SH3BP5: variants seen among roughly 807,000 people sequenced by gnomAD.
SH3BP5 encodes the protein SH3 domain binding protein 5, also known as SH3 domain-binding protein 5.
Under a neutral mutation model 43.3 loss-of-function variants are expected in SH3BP5, and 22 were observed. The ratio of observed to expected loss-of-function variants is 0.51; its 90% CI spans 0.36 to 0.73. SH3BP5 has a LOEUF of 0.73. Ranked by LOEUF, SH3BP5 falls within the 30% of genes least tolerant of loss-of-function variation. The pLI, the probability that SH3BP5 is intolerant of heterozygous loss-of-function variation, is 0.00. For synonymous variants in SH3BP5, 255 were observed against 225.8 expected, an observed-to-expected ratio of 1.13 and a Z score of -1.16; for missense variants, 529 against 586.9, an observed-to-expected ratio of 0.90 and a Z score of 1.02.
intron 3 of SH3BP5, among the ~76,000 whole-genome samples, chr3:15,302,890 C>T (rs1697792303): frequency 6.6e-6 from 1 of 151,746 alleles, no homozygotes; most frequent in Non-Finnish European, 1.5e-5. Context: ...CTCACTGCAA[C>T]CTCCACCTCC....
intron 3 of SH3BP5, 109 bp downstream of exon 3, chr3:15,303,994 T>G: frequency 1.2e-6 from 1 of 856,430 alleles, no homozygotes; most frequent in African/African-American, 1.7e-5. Context: ...ATTTAAGACA[T>G]ATTGGACTCG....
intron 3 of SH3BP5, among the ~76,000 whole-genome samples, chr3:15,270,107 G>T (rs1456352561): frequency 1.3e-5 from 2 of 152,158 alleles, no homozygotes; most frequent in African/African-American, 2.4e-5. Context: ...GGGCCCAATG[G>T]ATGAGATAAA....
intron 3 of SH3BP5, among the ~76,000 whole-genome samples, chr3:15,282,620 C>G (rs1697161049): frequency 6.6e-6 from 1 of 151,226 alleles, no homozygotes; most frequent in East Asian, 1.9e-4. Flanking sequence ...TTAAACCAAT[C>G]ACAATAAAAC....
intron 2 of SH3BP5, among the ~76,000 whole-genome samples, chr3:15,322,202 C>CAA (rs201133062): frequency 4.2e-5 from 6 of 143,726 alleles, no homozygotes; most frequent in African/African-American, 1.3e-4. Context: ...GACTCCATCT[C>CAA]AAAAAAAAAA....
intron 2 of SH3BP5, among the ~76,000 whole-genome samples, chr3:15,313,405 T>G (rs904650330): frequency 6.6e-6 from 1 of 152,044 alleles, no homozygotes; most frequent in African/African-American, 2.4e-5. Flanking sequence ...GATAGGAAAG[T>G]CTCCATTAGC....
intron 3 of SH3BP5, among the ~76,000 whole-genome samples, chr3:15,299,584 T>G (rs755629690): frequency 1.3e-5 from 2 of 149,092 alleles, no homozygotes; most frequent in Non-Finnish European, 3.0e-5. Context: ...GCCTTGAACT[T>G]CTGTGCTCAA....
At chr3:15,289,308 G>A (rs1403343498) in intron 3 of SH3BP5, among the ~76,000 whole-genome samples, 8 of 152,214 alleles carry the variant, frequency 5.3e-5, no homozygotes. Flanking sequence ...AATGGAAAAT[G>A]TGTTGTCTGG....
chr3:15,316,426 T>C (rs1698186970), intron 2 of SH3BP5, among the ~76,000 whole-genome samples: 1 of 152,016 alleles, frequency 6.6e-6, no homozygotes, highest in African/African-American at 2.4e-5. Flanking sequence ...GGTTTCACCA[T>C]GTTGGTCAGG....
intron 3 of SH3BP5, among the ~76,000 whole-genome samples, chr3:15,286,396 C>G (rs971465302): frequency 6.6e-6 from 1 of 152,214 alleles, no homozygotes; most frequent in Non-Finnish European, 1.5e-5. Context: ...CAGGGGCCTT[C>G]TCCCAGCTCT....
chr3:15,268,790 T>C (rs1165909583), intron 4 of SH3BP5, among the ~76,000 whole-genome samples: 2 of 152,182 alleles, frequency 1.3e-5, no homozygotes, highest in African/African-American at 4.8e-5. Context: ...TATCTGGAGA[T>C]AGGGCCTTTG....
At chr3:15,276,351 G>A (rs1241975022) in intron 3 of SH3BP5, among the ~76,000 whole-genome samples, 1 of 152,192 alleles carries the variant, frequency 6.6e-6, no homozygotes, top group African/African-American at 2.4e-5. Flanking sequence ...GCCCAGAATA[G>A]GTGATGTCAC....
chr3:15,264,337 G>C (rs1057164063), intron 4 of SH3BP5: 9 of 150,724 alleles, frequency 6.0e-5, no homozygotes, highest in Non-Finnish European at 1.3e-4. Context: ...GTGGATTACT[G>C]ACTGCCCTTG....
intron 3 of SH3BP5, among the ~76,000 whole-genome samples, chr3:15,296,694 C>CTTTTTTTTTTTTTTT (rs370273754): frequency 8.0e-6 from 1 of 124,968 alleles, no homozygotes; most frequent in African/African-American, 3.5e-5. Context: ...AGTGTTTTTC[C>CTTTTTTTTTTTTTTT]TTTTTTTTTT....
rs56319701 is a variant in SH3BP5, at chr3:15,320,641, C to CA, written c.201+9862_201+9863insT. On this transcript the variant is annotated intron_variant, in intron 2 of 8. Coordinates refer to ENST00000383791, the MANE Select transcript of SH3BP5 (RefSeq NM_004844.5). ...ACACACACACACACACACACACACACCCCACTACGTTAAAGTCCCTACAAC... is the reference window on the plus strand; with the variant it reads ...ACACACACACACACACACACACACACACCCACTACGTTAAAGTCCCTACAAC... 1.3e-3 allele frequency among the ~76,000 whole-genome samples: 172 copies of CA among 128,692 alleles called. 1 individual carries two copies. The highest frequency in any genetic ancestry group is 7.9e-3 in the Middle Eastern group (2 of 254). The allele number at this position is 128,692 out of a possible 152,430, so 84.4% of individuals were successfully genotyped here. A position where few individuals can be genotyped will look rare whatever the true frequency, so the allele number is the denominator to read the frequency against.
At position 15,304,169 on chromosome 3, in the gene SH3BP5, C is replaced by T. The variant is rs916730430; in HGVS notation, c.264G>A (p.Val88=). 3.1e-6 allele frequency: 5 copies of T among 1,614,230 alleles called. No homozygotes were observed. In the African/African-American group the frequency reaches 6.7e-5, roughly 22 times the overall value. The part of the protein sequence containing the change: ...VEATVKLDEL[V]KKIGKAVEDS... ...CTTCCACAGCTTTGCCAATTTTCTT[C>T]ACCAGTTCATCCAGTTTCACCGTTG... The change falls in exon 3 of 9, where the codon GTG becomes GTA. Residue 88 remains valine (V), a synonymous_variant. Transcript: ENST00000383791.
intron 4 of SH3BP5, among the ~76,000 whole-genome samples, chr3:15,269,248 G>C (rs559156531): frequency 1.6e-3 from 237 of 152,234 alleles, no homozygotes; most frequent in African/African-American, 5.5e-3. Context: ...CCTGTCGTAA[G>C]TACACACCTG....
At chr3:15,291,135 C>T (rs975861342) in intron 3 of SH3BP5, among the ~76,000 whole-genome samples, 3 of 152,198 alleles carry the variant, frequency 2.0e-5, no homozygotes, top group South Asian at 2.1e-4. Flanking sequence ...AACTCAATTT[C>T]GTCCCAGAAA....
At chr3:15,328,435 A>G (rs1698519769) in intron 2 of SH3BP5, among the ~76,000 whole-genome samples, 1 of 150,554 alleles carries the variant, frequency 6.6e-6, no homozygotes. Flanking sequence ...AAAAAAAAAA[A>G]GACTATTTCC....
At chr3:15,303,437 G>T (rs1292746617) in intron 3 of SH3BP5, among the ~76,000 whole-genome samples, 1 of 152,160 alleles carries the variant, frequency 6.6e-6, no homozygotes, top group Non-Finnish European at 1.5e-5. Flanking sequence ...ATCAGAGGCT[G>T]CAGGTGACAC....
Sources: gnomAD v4.1 joint callset for allele counts (sites outside exome capture counted in the v4.1 genomes callset) on GRCh38, gnomAD v4.1.1 for gene constraint, MANE v1.5 for transcripts, NCBI Gene and HGNC (gene_info 2026-07-23, HGNC 2026-07-21) for gene names.